Variants in KCNMA1 observed in about 807,000 individuals in gnomAD.
KCNMA1 encodes the protein potassium calcium-activated channel subfamily M alpha 1, also known as Calcium-activated potassium channel subunit alpha-1.
KCNMA1 carries 29 observed loss-of-function variants against 140.0 expected under a neutral mutation model. That is an observed-to-expected ratio of 0.21 (90% CI 0.15 to 0.28). The LOEUF (loss-of-function observed/expected upper bound fraction) is 0.28, where lower values mean the gene tolerates loss of function less well. Ranked by LOEUF, KCNMA1 falls within the 10% of genes least tolerant of loss-of-function variation. The probability of loss-of-function intolerance (pLI) is 1.00; values close to 1 mark genes in which losing one functional copy is unlikely to be tolerated. For synonymous variants in KCNMA1, 612 were observed against 611.9 expected (o/e 1.00, Z 0.00); for missense variants, 880 against 1,602.2 (o/e 0.55, Z 7.70).
intron 5 of KCNMA1, among the ~76,000 whole-genome samples, chr10:77,149,686 G>A (rs2098383773): frequency 6.6e-6 from 1 of 152,138 alleles, no homozygotes; most frequent in Non-Finnish European, 1.5e-5. Flanking sequence ...ATCTCAGCCT[G>A]CATCCTAACC....
chr10:77,093,888 A>C (rs1182376155), intron 9 of KCNMA1, among the ~76,000 whole-genome samples: 2 of 152,218 alleles, frequency 1.3e-5, no homozygotes, highest in Non-Finnish European at 2.9e-5. Flanking sequence ...CATATCTACC[A>C]TGTGAGATTC....
chr10:77,622,925 T>C (rs2091761042), intron 1 of KCNMA1, among the ~76,000 whole-genome samples: 1 of 152,208 alleles, frequency 6.6e-6, no homozygotes, highest in South Asian at 2.1e-4. Context: ...ACAGGCTATC[T>C]TAGAGACCGG....
intron 3 of KCNMA1, among the ~76,000 whole-genome samples, chr10:77,216,057 T>C (rs953867836): frequency 2.1e-4 from 32 of 152,112 alleles, no homozygotes; most frequent in African/African-American, 6.3e-4. Context: ...GAAAACATCA[T>C]GCTAATTGAA....
At chr10:77,570,211 A>G (rs1296431948) in intron 1 of KCNMA1, among the ~76,000 whole-genome samples, 298 of 150,182 alleles carry the variant, frequency 2.0e-3, no homozygotes, top group Non-Finnish European at 3.3e-3. Flanking sequence ...TAGAAATACC[A>G]TTTGACCCAG....
chr10:77,360,458 T>G (rs542745443), intron 2 of KCNMA1, among the ~76,000 whole-genome samples: 1 of 152,336 alleles, frequency 6.6e-6, no homozygotes, highest in African/African-American at 2.4e-5. Flanking sequence ...AAGCCATCCT[T>G]GTTTCAGTCT....
chr10:77,615,363 C>A (rs528953866), intron 1 of KCNMA1, among the ~76,000 whole-genome samples: 2 of 152,338 alleles, frequency 1.3e-5, no homozygotes, highest in African/African-American at 4.8e-5. Context: ...TGGGAGAAAC[C>A]ATTCCATGCC....
In KCNMA1 at chr10:77,454,641, G is replaced by A. The variant is rs139872405; in HGVS notation, c.379-50618C>T. On this transcript the variant is annotated intron_variant, in intron 1 of 27. Coordinates refer to ENST00000286628, the MANE Select transcript of KCNMA1 (RefSeq NM_001161352.2). ...TCTGTTAAACCTAGAGTTGATCAGC[G>A]ATCACGATACACGAACATGCTCTCT... 3.7e-3 allele frequency among the ~76,000 whole-genome samples: 559 copies of A among 152,274 alleles called. 1 individual carries two copies. The highest frequency in any genetic ancestry group is 6.7e-3 in the Non-Finnish European group (455 of 68,024).
At chr10:77,119,282 A>C (rs1290373977) in intron 6 of KCNMA1, among the ~76,000 whole-genome samples, 1 of 152,160 alleles carries the variant, frequency 6.6e-6, no homozygotes, top group Non-Finnish European at 1.5e-5. Context: ...AAGTTCTAAA[A>C]CGGTCCAGGG....
At chr10:76,918,630 C>T (rs928439269) in intron 23 of KCNMA1, among the ~76,000 whole-genome samples, 5 of 152,182 alleles carry the variant, frequency 3.3e-5, no homozygotes, top group African/African-American at 9.7e-5. Context: ...AACACCTCTA[C>T]ACTGCTGGCG....
intron 19 of KCNMA1, chr10:76,979,668 T>C (rs1410878127): frequency 6.6e-6 from 1 of 152,214 alleles, no homozygotes; most frequent in Non-Finnish European, 1.5e-5. Context: ...AGATGTTATA[T>C]AAATACAAAC....
At position 77,144,693 on chromosome 10, in the gene KCNMA1, G is replaced by A. The variant is rs77830664; in HGVS notation, c.809-23645C>T. On this transcript the variant is annotated intron_variant, in intron 5 of 27. Coordinates refer to ENST00000286628, the MANE Select transcript of KCNMA1 (RefSeq NM_001161352.2). ...TTGTACCAATTTAGGGAACACTAAA[G>A]TTTCACCTGATGCCTAAACAGAGAT... 2.6e-5 allele frequency among the ~76,000 whole-genome samples: 4 copies of A among 152,264 alleles called. No individual in the cohort carries two copies. In the East Asian group the frequency reaches 5.8e-4, roughly 22 times the overall value.
intron 3 of KCNMA1, among the ~76,000 whole-genome samples, chr10:77,235,655 C>T (rs1030135123): frequency 3.9e-5 from 6 of 152,118 alleles, no homozygotes; most frequent in Non-Finnish European, 8.8e-5. Flanking sequence ...AGGAATAAAT[C>T]GCTTCGTTTT....
At chr10:77,274,201 A>T (rs1516512) in intron 2 of KCNMA1, among the ~76,000 whole-genome samples, 1 of 151,932 alleles carries the variant, frequency 6.6e-6, no homozygotes, top group African/African-American at 2.4e-5. Flanking sequence ...TAGCCTCCAG[A>T]TATGGCCAGC....
chr10:77,208,615 T>A (rs2154170036), intron 3 of KCNMA1, among the ~76,000 whole-genome samples: 1 of 152,366 alleles, frequency 6.6e-6, no homozygotes, highest in East Asian at 1.9e-4. Flanking sequence ...TATGTCTAGA[T>A]TAAAGTTCTT....
intron 1 of KCNMA1, among the ~76,000 whole-genome samples, chr10:77,408,963 C>A (rs901207653): frequency 5.9e-5 from 9 of 152,152 alleles, no homozygotes. Context: ...GGCAAGGGTG[C>A]AGGCACAGGA....
At chr10:77,409,447 C>T (rs1358091027) in intron 1 of KCNMA1, among the ~76,000 whole-genome samples, 5 of 152,138 alleles carry the variant, frequency 3.3e-5, no homozygotes, top group African/African-American at 1.2e-4. Flanking sequence ...CTCTGTTTCC[C>T]TTATCTCTTG....
At chr10:77,585,310 A>G (rs1357784943) in intron 1 of KCNMA1, among the ~76,000 whole-genome samples, 1 of 152,218 alleles carries the variant, frequency 6.6e-6, no homozygotes. Flanking sequence ...TTAACTTAAA[A>G]TGTCTGTTTC....
In KCNMA1 at chr10:77,228,732, C is replaced by T. The variant is rs151217843; in HGVS notation, c.602+22463G>A. ...GGGGCACTGAGTGTAAACACTCTCC[C>T]GGCTACTGCTTTGCTCTTTCCCTCC... On this transcript the variant is annotated intron_variant, in intron 3 of 27. Transcript: ENST00000286628. Among the ~76,000 whole-genome samples the T allele has an allele frequency of 2.5e-3, 385 of 152,302 alleles. 3 individuals are homozygous for T. Among genetic ancestry groups the T allele is most frequent in the African/African-American group, 8.7e-3 (360 of 41,572 alleles).
chr10:77,408,448 ATG>A (rs745472006), intron 1 of KCNMA1, among the ~76,000 whole-genome samples: 13 of 150,730 alleles, frequency 8.6e-5, no homozygotes, highest in Admixed American at 4.0e-4. Flanking sequence ...GAGTGTGTGC[ATG>A]TGTGTGTGCG....
Sources: gnomAD v4.1 joint callset for allele counts (sites outside exome capture counted in the v4.1 genomes callset) on GRCh38, gnomAD v4.1.1 for gene constraint, MANE v1.5 for transcripts, NCBI Gene and HGNC (gene_info 2026-07-23, HGNC 2026-07-21) for gene names.